Variants in GRIA1 observed in about 807,000 individuals in gnomAD.
The protein encoded by GRIA1 is glutamate ionotropic receptor AMPA type subunit 1, also known as glutamate receptor 1.
Under a neutral mutation model 99.2 loss-of-function variants are expected in GRIA1, and 31 were observed. The observed-to-expected ratio is 0.31, with a 90% CI of 0.23 to 0.42. GRIA1 has a LOEUF of 0.42. GRIA1 is among the 10% of genes least tolerant of loss of function. The pLI is 1.00. For synonymous variants in GRIA1, 438 were observed against 432.4 expected (o/e 1.01, Z -0.16); for missense variants, 782 against 1,157.5 (o/e 0.68, Z 4.71).
chr5:153,753,454 G>A (rs184790357), intron 11 of GRIA1, among the ~76,000 whole-genome samples: 1 of 152,184 alleles, frequency 6.6e-6, no homozygotes, highest in Non-Finnish European at 1.5e-5. Context: ...TTAGGTGAGG[G>A]AGGTAGTGTC....
At position 153,636,485 on chromosome 5, in the gene GRIA1, T is replaced by G. The variant is rs142432768; in HGVS notation, c.221-10443T>G. 4.5e-3 allele frequency among the ~76,000 whole-genome samples: 684 copies of G among 152,342 alleles called. 8 individuals are homozygous for G. The highest frequency in any genetic ancestry group is 0.016 in the African/African-American group (653 of 41,570). ...TATGTAAACTCATTTGTTTACATAT[T>G]GTCTTTGGCTGCCTTCATGCTATAA... is the stretch of plus-strand genomic sequence containing the variant. On this transcript the variant is annotated intron_variant, in intron 2 of 15. Transcript: ENST00000285900.
chr5:153,532,216 A>C (rs1758159671), intron 2 of GRIA1, among the ~76,000 whole-genome samples: 1 of 152,180 alleles, frequency 6.6e-6, no homozygotes, highest in African/African-American at 2.4e-5. Flanking sequence ...ACTGATGAGT[A>C]TCTTGTTCCT....
rs775561166 is a variant in GRIA1, at chr5:153,698,237, C to T, written c.1245+83C>T. The T allele has an allele frequency of 4.1e-6, 3 of 725,318 alleles. No individual in the cohort carries two copies. The East Asian group carries it at 7.9e-5, about 19-fold the overall frequency. 44.9% of individuals were successfully genotyped at this position (725,318 alleles called of 1,614,324 possible). ...GTTTTCCACCAGGACTGAAAGCTGG[C>T]CTTTCTTCTTGCCAAAACTGTGTAA... On this transcript the variant is annotated intron_variant, in intron 9 of 15. Transcript: ENST00000285900.
At position 153,746,798 on chromosome 5, in the gene GRIA1, C is replaced by T. The variant is rs1581587666; in HGVS notation, c.1824-17636C>T. 2.0e-5 allele frequency among the ~76,000 whole-genome samples: 3 copies of T among 152,296 alleles called. No individual in the cohort carries two copies. In the South Asian group the frequency reaches 6.2e-4, roughly 32 times the overall value. On this transcript the variant is annotated intron_variant, in intron 11 of 15. Transcript: ENST00000285900. Reference sequence around the variant, plus strand: ...CACAGAAGGAAATGGGAGGAAGTCCCATTTATAACAAGAGTGTGTTGCCAA... The same window carrying T: ...CACAGAAGGAAATGGGAGGAAGTCCTATTTATAACAAGAGTGTGTTGCCAA...
At chr5:153,808,403 G>T (rs1048504909) in intron 15 of GRIA1, among the ~76,000 whole-genome samples, 1 of 151,434 alleles carries the variant, frequency 6.6e-6, no homozygotes, top group Admixed American at 6.6e-5. Context: ...GGAGTGGGGG[G>T]GAGTAGGAAG....
chr5:153,711,343 T>C (rs1759305199), intron 11 of GRIA1, among the ~76,000 whole-genome samples: 1 of 151,900 alleles, frequency 6.6e-6, no homozygotes, highest in African/African-American at 2.4e-5. Context: ...GAAATTACAG[T>C]GATGGAAATT....
chr5:153,647,058 A>G lies in GRIA1; in HGVS notation c.351A>G (p.Thr117=), dbSNP rs781132406. 6.2e-7 allele frequency: 1 copy of G among 1,613,808 alleles called. No homozygotes were observed. Among genetic ancestry groups the G allele is most frequent in the Non-Finnish European group, 8.5e-7 (1 of 1,179,914 alleles). The change falls in exon 3 of 16, where the codon ACA becomes ACG. Residue 117 remains threonine (T), a synonymous_variant. Coordinates refer to ENST00000285900, the MANE Select transcript of GRIA1 (RefSeq NM_000827.4). ...TTACGCCGAGCTTTCCCGTTGATAC[A>G]TCCAATCAGTTTGTCCTTCAGCTGC... The part of the protein sequence containing the change: ...CFITPSFPVD[T]SNQFVLQLRP...
At chr5:153,783,829 G>A (rs1764793820) in intron 13 of GRIA1, among the ~76,000 whole-genome samples, 2 of 152,194 alleles carry the variant, frequency 1.3e-5, no homozygotes. Context: ...TGGTGAGTTT[G>A]CTGTGATAAA....
At chr5:153,573,698 G>T (rs765310199) in intron 2 of GRIA1, among the ~76,000 whole-genome samples, 10 of 152,068 alleles carry the variant, frequency 6.6e-5, no homozygotes, top group Non-Finnish European at 1.2e-4. Flanking sequence ...TATTTCCAGG[G>T]AGCAAATATA....
intron 2 of GRIA1, among the ~76,000 whole-genome samples, chr5:153,606,893 G>A (rs950203120): frequency 1.2e-4 from 12 of 104,018 alleles, no homozygotes; most frequent in African/African-American, 3.8e-4. Context: ...TTTTCATCCT[G>A]ATTATGAAAT....
At chr5:153,600,019 A>AG (rs765329222) in intron 2 of GRIA1, among the ~76,000 whole-genome samples, 12 of 152,144 alleles carry the variant, frequency 7.9e-5, no homozygotes, top group Non-Finnish European at 1.2e-4. Context: ...ACACGGAGGC[A>AG]CTGCGCACCT....
intron 2 of GRIA1, among the ~76,000 whole-genome samples, chr5:153,585,370 G>A (rs1267073869): frequency 8.6e-5 from 11 of 127,188 alleles, no homozygotes; most frequent in African/African-American, 1.5e-4. Flanking sequence ...GTACACTGTC[G>A]CGATCTCAGC....
At chr5:153,623,705 A>C (rs2149425596) in intron 2 of GRIA1, among the ~76,000 whole-genome samples, 1 of 152,354 alleles carries the variant, frequency 6.6e-6, no homozygotes, top group East Asian at 1.9e-4. Flanking sequence ...AGTCAGCTTC[A>C]TCACGCCCAG....
At chr5:153,710,819 T>C (rs949427990) in intron 11 of GRIA1, among the ~76,000 whole-genome samples, 1 of 152,144 alleles carries the variant, frequency 6.6e-6, no homozygotes, top group South Asian at 2.1e-4. Context: ...ATTAAACAAA[T>C]TATCGTGAAT....
chr5:153,698,298 G>C, intron 9 of GRIA1, 144 bp downstream of exon 9: 2 of 515,266 alleles, frequency 3.9e-6, no homozygotes, highest in Non-Finnish European at 7.0e-6. Flanking sequence ...GGAATGCCCT[G>C]AAAATGAGAG....
intron 2 of GRIA1, among the ~76,000 whole-genome samples, chr5:153,639,089 A>G (rs1753600154): frequency 6.6e-6 from 1 of 152,160 alleles, no homozygotes; most frequent in Non-Finnish European, 1.5e-5. Flanking sequence ...CATTACACTT[A>G]AGTCAGATGT....
chr5:153,654,872 C>A (rs1471599456), intron 4 of GRIA1, among the ~76,000 whole-genome samples: 1 of 152,154 alleles, frequency 6.6e-6, no homozygotes, highest in Non-Finnish European at 1.5e-5. Flanking sequence ...TGAGCTAGAT[C>A]TAAAACCAAG....
Position 153,670,179 on chromosome 5 carries a change from G to A in GRIA1, c.700-4321G>A, listed in dbSNP as rs555074411. ...AGTAGACACAGCATTCTTTCTCACC[G>A]ATTTATTAGTCACACATGGGGCAAT... On this transcript the variant is annotated intron_variant, in intron 5 of 15. Transcript: ENST00000285900. 1.4e-4 allele frequency among the ~76,000 whole-genome samples: 21 copies of A among 152,220 alleles called. No individual in the cohort carries two copies. In the South Asian group the frequency reaches 2.1e-3, roughly 15 times the overall value.
intron 2 of GRIA1, among the ~76,000 whole-genome samples, chr5:153,554,108 G>C (rs557105307): frequency 6.6e-6 from 1 of 152,168 alleles, no homozygotes; most frequent in Non-Finnish European, 1.5e-5. Context: ...GAGCTTCTTT[G>C]ATGGGTTGAG....
Sources: allele counts gnomAD v4.1 joint callset (sites outside exome capture counted in the v4.1 genomes callset), GRCh38; gene constraint gnomAD v4.1.1; transcripts MANE v1.5; gene names NCBI Gene and HGNC (gene_info 2026-07-23, HGNC 2026-07-21).